FBXL7: variants seen among roughly 807,000 people sequenced by gnomAD.
FBXL7 encodes the protein F-box and leucine rich repeat protein 7, also known as F-box/LRR-repeat protein 7.
In FBXL7, 12 loss-of-function variants were observed where a neutral mutation model predicts 38.3. That is an observed-to-expected ratio of 0.31 (90% CI 0.20 to 0.51). The LOEUF is 0.51. FBXL7 is among the 20% of genes least tolerant of loss of function. The pLI is 0.98. For missense variants in FBXL7, 567 were observed against 676.4 expected, an observed-to-expected ratio of 0.84 and a Z score of 1.79; for synonymous variants, 297 against 300.9, an observed-to-expected ratio of 0.99 and a Z score of 0.13.
chr5:15,563,953 C>T (rs1389926765), intron 1 of FBXL7, among the ~76,000 whole-genome samples: 1 of 152,020 alleles, frequency 6.6e-6, no homozygotes, highest in Non-Finnish European at 1.5e-5. Flanking sequence ...ATGAGTGTCT[C>T]ACCAGGTTTT....
In FBXL7 at chr5:15,927,934, C is replaced by G. The variant is rs1375165561; in HGVS notation, c.172C>G (p.Leu58Val). Residue 58 changes from leucine to valine, a missense_variant, in exon 3 of 4, where the codon CTG becomes GTG. Transcript: ENST00000504595. ...MRTLSTPSPA[L>V]ICPPNLPGFQ... is the part of the protein sequence containing the mutation. ...CACACTGAGCACGCCCAGCCCAGCC[C>G]TGATATGTCCACCGAATCTCCCAGG... The G allele has an allele frequency of 6.4e-7, 1 of 1,558,284 alleles. No homozygotes were observed. The highest frequency in any genetic ancestry group is 2.3e-5 in the East Asian group (1 of 44,428).
At chr5:15,634,090 ATAT>A (rs929136916) in intron 2 of FBXL7, among the ~76,000 whole-genome samples, 2 of 151,924 alleles carry the variant, frequency 1.3e-5, no homozygotes, top group Admixed American at 1.3e-4. Context: ...TGGGGCAAAG[ATAT>A]TATGTAATCT....
intron 1 of FBXL7, among the ~76,000 whole-genome samples, chr5:15,535,498 G>T (rs1737559262): frequency 6.6e-6 from 1 of 152,196 alleles, no homozygotes; most frequent in Admixed American, 6.5e-5. Context: ...CTGGAGTAAA[G>T]GTCATTCTTG....
rs980547861 is a variant in FBXL7, at chr5:15,501,669, G to A, written c.37+956G>A. 9.1e-6 allele frequency: 9 copies of A among 985,336 alleles called. No individual in the cohort carries two copies. The African/African-American group carries it at 1.6e-4, about 17-fold the overall frequency. The allele number at this position is 985,336 out of a possible 1,614,324, so 61.0% of individuals were successfully genotyped here. On this transcript the variant is annotated intron_variant, in intron 1 of 3. Transcript: ENST00000504595. ...ATGCAGGCTAGCTATTCAGCCTGTG[G>A]CCTGGAGGAAACTCTTATCATCCTG...
intron 2 of FBXL7, among the ~76,000 whole-genome samples, chr5:15,666,424 T>A (rs1315656374): frequency 1.3e-5 from 2 of 152,182 alleles, no homozygotes; most frequent in Non-Finnish European, 2.9e-5. Flanking sequence ...AACAACTTTG[T>A]GCAAGAAGAA....
rs10475066 is a variant in FBXL7 at position 15,554,959 on chromosome 5, G to A, written c.37+54246G>A. Among the ~76,000 whole-genome samples, 1,363 of 152,340 alleles carry A rather than the reference G, an allele frequency of 8.9e-3. 20 individuals carry two copies. Among genetic ancestry groups the A allele is most frequent in the African/African-American group, 0.027 (1,135 of 41,580 alleles). ...AAGTCAGAGTCACGCTGTGAAATAT[G>A]TAAGTCCTTGGTGAAAATGAGTATT... On this transcript the variant is annotated intron_variant, in intron 1 of 3. Coordinates refer to ENST00000504595, the MANE Select transcript of FBXL7 (RefSeq NM_012304.5).
At chr5:15,824,049 G>A (rs935814483) in intron 2 of FBXL7, among the ~76,000 whole-genome samples, 31 of 151,970 alleles carry the variant, frequency 2.0e-4, no homozygotes, top group African/African-American at 5.8e-4. Flanking sequence ...AGGCTGAGGC[G>A]GGCGGATCAC....
chr5:15,900,286 T>C (rs1741203568), intron 2 of FBXL7, among the ~76,000 whole-genome samples: 1 of 152,168 alleles, frequency 6.6e-6, no homozygotes, highest in Admixed American at 6.5e-5. Flanking sequence ...GAAGTCATCC[T>C]CACCACATTC....
At chr5:15,887,659 G>A (rs553184151) in intron 2 of FBXL7, among the ~76,000 whole-genome samples, 5 of 152,206 alleles carry the variant, frequency 3.3e-5, no homozygotes, top group African/African-American at 4.8e-5. Context: ...CAGTAAACAC[G>A]TAGAGTATTG....
chr5:15,763,921 G>A (rs150201876), intron 2 of FBXL7, among the ~76,000 whole-genome samples: 234 of 152,268 alleles, frequency 1.5e-3, no homozygotes, highest in Non-Finnish European at 2.7e-3. Context: ...ATGTAATTTA[G>A]TCTGAGTCAA....
intron 2 of FBXL7, among the ~76,000 whole-genome samples, chr5:15,725,980 A>G (rs544114147): frequency 3.9e-5 from 6 of 152,268 alleles, no homozygotes; most frequent in Admixed American, 1.3e-4. Context: ...GTCTGCAACT[A>G]TTATTGTAGA....
At chr5:15,923,179 G>T in intron 2 of FBXL7, among the ~76,000 whole-genome samples, 1 of 152,164 alleles carries the variant, frequency 6.6e-6, no homozygotes. Context: ...CGGGGTCCCT[G>T]TTTCTACTCT....
In FBXL7 at chr5:15,939,021, T is replaced by A. The variant is rs1365345334; in HGVS notation, c.*1835T>A. 2.5e-6 allele frequency: 1 copy of A among 398,956 alleles called. No homozygotes were observed. Among genetic ancestry groups the A allele is most frequent in the African/African-American group, 2.1e-5 (1 of 48,632 alleles). The allele number at this position is 398,956 out of a possible 1,614,324, so 24.7% of individuals were successfully genotyped here. A position where few individuals can be genotyped will look rare whatever the true frequency, so the allele number is the denominator to read the frequency against. ...CTGAATTTGTCAAACTTAGACACCC[T>A]TGACAACTGCACTCCTACTGTAGGC... On this transcript the variant is annotated 3_prime_UTR_variant, in exon 4 of 4. Coordinates refer to ENST00000504595, the MANE Select transcript of FBXL7 (RefSeq NM_012304.5).
intron 2 of FBXL7, among the ~76,000 whole-genome samples, chr5:15,634,353 G>A (rs1197810942): frequency 5.1e-5 from 6 of 118,434 alleles, no homozygotes; most frequent in African/African-American, 1.3e-4. Flanking sequence ...ACAGAGTCTC[G>A]TTCTGTTGCC....
chr5:15,546,902 G>T (rs1040781895), intron 1 of FBXL7, among the ~76,000 whole-genome samples: 2 of 152,178 alleles, frequency 1.3e-5, no homozygotes, highest in African/African-American at 4.8e-5. Flanking sequence ...ATAGAGGCCT[G>T]TGGTGTGGGG....
At chr5:15,615,010 A>G (rs1740397694) in intron 1 of FBXL7, among the ~76,000 whole-genome samples, 2 of 152,182 alleles carry the variant, frequency 1.3e-5, no homozygotes, top group Non-Finnish European at 1.5e-5. Flanking sequence ...GGCCAGTCAC[A>G]GGTTCAGCCC....
chr5:15,736,008 AATTGGATTT>A (rs1481981259), intron 2 of FBXL7, among the ~76,000 whole-genome samples: 2 of 152,174 alleles, frequency 1.3e-5, no homozygotes, highest in African/African-American at 4.8e-5. Flanking sequence ...TAAGCCATGG[AATTGGATTT>A]GATGGTTTTA....
chr5:15,873,051 T>C (rs947302606), intron 2 of FBXL7, among the ~76,000 whole-genome samples: 3 of 152,184 alleles, frequency 2.0e-5, no homozygotes, highest in East Asian at 1.9e-4. Flanking sequence ...CCTCGGCAAA[T>C]GCAAAAGAAT....
Position 15,828,994 on chromosome 5 carries a change from G to C in FBXL7, c.128-98896G>C, listed in dbSNP as rs143939783. Among the ~76,000 whole-genome samples, 15 of 152,290 alleles carry C rather than the reference G, an allele frequency of 9.8e-5. No individual in the cohort carries two copies. In the East Asian group the frequency reaches 2.9e-3, roughly 29 times the overall value. On this transcript the variant is annotated intron_variant, in intron 2 of 3. Transcript: ENST00000504595. Reference sequence around the variant, plus strand: ...TTTTTAATTAAATAGCTGAAGTGAAGCATGCAAAAAGATCAGTGTTAGTAA... The same window carrying C: ...TTTTTAATTAAATAGCTGAAGTGAACCATGCAAAAAGATCAGTGTTAGTAA...
Sources: gnomAD v4.1 joint callset for allele counts (sites outside exome capture counted in the v4.1 genomes callset) on GRCh38, gnomAD v4.1.1 for gene constraint, MANE v1.5 for transcripts, NCBI Gene and HGNC (gene_info 2026-07-23, HGNC 2026-07-21) for gene names.